CRACDL: variants seen among roughly 807,000 people sequenced by gnomAD.
CRACDL encodes CRACD-like protein.
In CRACDL, 26 loss-of-function variants were observed where a neutral mutation model predicts 70.6. The ratio of observed to expected loss-of-function variants is 0.37; its 90% CI spans 0.27 to 0.51. The LOEUF (loss-of-function observed/expected upper bound fraction) is 0.51, where lower values mean the gene tolerates loss of function less well. Among genes scored for constraint, CRACDL ranks in the 20% least tolerant of loss-of-function variants. The pLI is 0.94. For synonymous variants in CRACDL, 618 were observed against 615.2 expected (o/e 1.00, Z -0.07); for missense variants, 1,283 against 1,376.9 (o/e 0.93, Z 1.08).
rs138893706 is a variant in CRACDL at position 98,896,757 on chromosome 2, G to A, written c.-11+39181C>T. ...TATCTTACTTTGTTGTTGTTGTTCT[G>A]TTTTGTTTTCTTTTAGGCTTTTAGC... On this transcript the variant is annotated intron_variant, in intron 1 of 9. Coordinates refer to ENST00000397899, the MANE Select transcript of CRACDL (RefSeq NM_207362.3). Among the ~76,000 whole-genome samples, 19 of 152,270 alleles carry A rather than the reference G, an allele frequency of 1.2e-4. No homozygotes were observed. The South Asian group carries it at 3.9e-3, about 32-fold the overall frequency.
At chr2:98,855,087 C>A (rs1356706941) in intron 1 of CRACDL, among the ~76,000 whole-genome samples, 1 of 152,204 alleles carries the variant, frequency 6.6e-6, no homozygotes, top group African/African-American at 2.4e-5. Context: ...CAAGACCAGC[C>A]TGGCCAACAT....
At chr2:98,902,215 G>T (rs1018228274) in intron 1 of CRACDL, among the ~76,000 whole-genome samples, 2 of 152,178 alleles carry the variant, frequency 1.3e-5, no homozygotes, top group African/African-American at 4.8e-5. Context: ...AAAGGAGGCA[G>T]CACAGGTGTA....
At chr2:98,807,000 G>A (rs1189634354) in intron 7 of CRACDL, among the ~76,000 whole-genome samples, 2 of 152,090 alleles carry the variant, frequency 1.3e-5, no homozygotes, top group East Asian at 1.9e-4. Context: ...AGTTTCTCCC[G>A]ACCAAAGAAA....
At chr2:98,813,432 TAA>T (rs200047449) in intron 7 of CRACDL, among the ~76,000 whole-genome samples, 1 of 151,544 alleles carries the variant, frequency 6.6e-6, no homozygotes, top group Admixed American at 6.6e-5. Context: ...GACTCTGTCT[TAA>T]AAAAAAATTT....
intron 1 of CRACDL, among the ~76,000 whole-genome samples, chr2:98,934,896 C>T (rs796467257): frequency 1.3e-5 from 2 of 152,304 alleles, no homozygotes; most frequent in African/African-American, 4.8e-5. Context: ...CAAGATGGCA[C>T]AGCATAGGGG....
chr2:98,903,338 T>C (rs1210055286), intron 1 of CRACDL, among the ~76,000 whole-genome samples: 1 of 152,088 alleles, frequency 6.6e-6, no homozygotes, highest in Non-Finnish European at 1.5e-5. Flanking sequence ...GCATGGACCA[T>C]GATCGGGGGG....
chr2:98,823,372 G>T lies in CRACDL; in HGVS notation c.901C>A (p.Pro301Thr). Reference sequence around the variant, plus strand: ...CGTCTGGCACGGGCCCCTCCGGGTGGCGGCAAGGGCGCCGGTGGCCCAGGC... The same window carrying T: ...CGTCTGGCACGGGCCCCTCCGGGTGTCGGCAAGGGCGCCGGTGGCCCAGGC... ...PEPGPPAPLPPPGGARARRAR... is the reference protein window; with the variant it reads ...PEPGPPAPLPTPGGARARRAR... The change falls in exon 7 of 10, where the codon CCA becomes ACA. Residue 301 changes from proline to threonine, a missense_variant. Pro to Thr is a conservative substitution (Grantham distance 38). This residue lies in a region of CRACDL where 362 missense variants were observed against 495.0 expected (regional missense o/e 0.73). Coordinates refer to ENST00000397899, the MANE Select transcript of CRACDL (RefSeq NM_207362.3). This position sits in a 1 kb window ranked among gnomAD's most constrained non-coding sequence, Gnocchi z 4.0. 2.0e-6 allele frequency: 3 copies of T among 1,532,248 alleles called. No homozygotes were observed. The highest frequency in any genetic ancestry group is 2.6e-6 in the Non-Finnish European group (3 of 1,146,868). 94.9% of individuals were successfully genotyped at this position (1,532,248 alleles called of 1,614,324 possible).
Position 98,897,555 on chromosome 2 carries a change from T to C in CRACDL, c.-11+38383A>G, listed in dbSNP as rs560914664. On this transcript the variant is annotated intron_variant, in intron 1 of 9. Coordinates refer to ENST00000397899, the MANE Select transcript of CRACDL (RefSeq NM_207362.3). ...TTCTGGTCACTTTAGATTCCTAAAG[T>C]AGGGAGGTTCCATGTAATCCAATGA... is the stretch of plus-strand genomic sequence containing the variant. 24 of 308,512 alleles carry C rather than the reference T, an allele frequency of 7.8e-5. No individual in the cohort carries two copies. The Admixed American group carries it at 8.8e-4, about 11-fold the overall frequency. 19.1% of individuals were successfully genotyped at this position (308,512 alleles called of 1,614,324 possible). A position where few individuals can be genotyped will look rare whatever the true frequency, so the allele number is the denominator to read the frequency against.
intron 1 of CRACDL, among the ~76,000 whole-genome samples, chr2:98,922,629 G>A (rs1185221237): frequency 1.3e-5 from 2 of 152,114 alleles, no homozygotes; most frequent in Non-Finnish European, 2.9e-5. Flanking sequence ...AGCACAAGCT[G>A]CCTATGATGC....
At chr2:98,884,504 C>T (rs1256471241) in intron 1 of CRACDL, among the ~76,000 whole-genome samples, 1 of 152,176 alleles carries the variant, frequency 6.6e-6, no homozygotes, top group Non-Finnish European at 1.5e-5. Context: ...GCCACCTGAC[C>T]CAACTCCAGT....
chr2:98,875,117 C>A (rs558229751), intron 1 of CRACDL, among the ~76,000 whole-genome samples: 1 of 152,358 alleles, frequency 6.6e-6, no homozygotes, highest in South Asian at 2.1e-4. Flanking sequence ...GCAAACATCA[C>A]CTCCCAAAGT....
intron 5 of CRACDL, among the ~76,000 whole-genome samples, chr2:98,831,790 T>G (rs1165795519): frequency 2.0e-5 from 3 of 152,156 alleles, no homozygotes; most frequent in African/African-American, 7.2e-5. Context: ...GAAGGTGGTG[T>G]TTGGGACTGG....
intron 1 of CRACDL, among the ~76,000 whole-genome samples, chr2:98,850,754 C>T (rs1465122496): frequency 2.6e-5 from 4 of 152,228 alleles, no homozygotes; most frequent in Non-Finnish European, 5.9e-5. Context: ...TGTATCTGGG[C>T]ACCCACAGAA....
At chr2:98,795,077 A>ATTTTTTTTTTTTTTTTTT (rs1181969802) in intron 9 of CRACDL, among the ~76,000 whole-genome samples, 19 of 58,478 alleles carry the variant, frequency 3.2e-4, no homozygotes, top group South Asian at 2.9e-3. Context: ...ATATATATAT[A>ATTTTTTTTTTTTTTTTTT]TTTTTTTTTT....
At chr2:98,831,983 C>T (rs989716805) in intron 5 of CRACDL, among the ~76,000 whole-genome samples, 1 of 152,136 alleles carries the variant, frequency 6.6e-6, no homozygotes, top group African/African-American at 2.4e-5. Flanking sequence ...CCCCTCCCAC[C>T]GGCCAAATGT....
rs529205058 is a variant in CRACDL, at chr2:98,929,755, A to G, written c.-11+6183T>C. Among the ~76,000 whole-genome samples the G allele has an allele frequency of 4.6e-5, 7 of 152,226 alleles. No individual in the cohort carries two copies. In the South Asian group the frequency reaches 1.2e-3, roughly 27 times the overall value. ...TTGTCAAATTGTTTGGGAACATTCA[A>G]TTTTGAAGAAAAAAACAACAAACGC... is the stretch of plus-strand genomic sequence containing the variant. On this transcript the variant is annotated intron_variant, in intron 1 of 9. Transcript: ENST00000397899.
intron 1 of CRACDL, among the ~76,000 whole-genome samples, chr2:98,918,202 T>C (rs1057050183): frequency 1.3e-5 from 2 of 152,142 alleles, no homozygotes; most frequent in Non-Finnish European, 1.5e-5. Flanking sequence ...TCCACACTGT[T>C]TTCCATACAG....
At chr2:98,804,082 C>T (rs1473659050) in intron 7 of CRACDL, among the ~76,000 whole-genome samples, 2 of 152,304 alleles carry the variant, frequency 1.3e-5, no homozygotes, top group Admixed American at 6.5e-5. Flanking sequence ...ATGCTGGCAA[C>T]GTCTACAGTC....
At position 98,808,615 on chromosome 2, in the gene CRACDL, A is replaced by G. The variant is rs145611984; in HGVS notation, c.2417-11078T>C. On this transcript the variant is annotated intron_variant, in intron 7 of 9. Transcript: ENST00000397899. ...AGCCAGTGCCCCTGGTCCCCAGGAC[A>G]TCTACCCCCAGGGCTGCCCATGCTA... Among the ~76,000 whole-genome samples, 1,249 of 152,238 alleles carry G rather than the reference A, an allele frequency of 8.2e-3. 10 individuals carry two copies. Among genetic ancestry groups the G allele is most frequent in the Middle Eastern group, 0.027 (8 of 294 alleles).
Sources: gnomAD v4.1 joint callset for allele counts (sites outside exome capture counted in the v4.1 genomes callset) on GRCh38, gnomAD v4.1.1 for gene constraint, gnomAD v4.1.1 regional missense constraint, Gnocchi (gnomAD v3.1) non-coding constraint, MANE v1.5 for transcripts, NCBI Gene and HGNC (gene_info 2026-07-23, HGNC 2026-07-21) for gene names.